Variants in NPAS3 observed in about 807,000 individuals in gnomAD.
NPAS3 encodes the protein neuronal PAS domain protein 3, also known as neuronal PAS domain-containing protein 3.
A neutral mutation model predicts 73.1 loss-of-function variants in NPAS3; 14 were observed. The ratio of observed to expected loss-of-function variants is 0.19; its 90% CI spans 0.13 to 0.30. NPAS3 has a LOEUF of 0.30. Among genes scored for constraint, NPAS3 ranks in the 10% least tolerant of loss-of-function variants. The pLI, the probability that NPAS3 is intolerant of heterozygous loss-of-function variation, is 1.00. For missense variants in NPAS3, 1,096 were observed against 1,250.0 expected (o/e 0.88, Z 1.86); for synonymous variants, 620 against 541.5 (o/e 1.14, Z -2.01).
Position 32,965,914 on chromosome 14 carries a change from C to G in NPAS3, c.50+26548C>G, listed in dbSNP as rs998778463. ...AAAAATTAGTGGTGGTTCTATAGAC[C>G]AAGTGCAAACTATCTGAAAAAGAAA... On this transcript the variant is annotated intron_variant, in intron 1 of 11. Transcript: ENST00000356141. 3.9e-5 allele frequency among the ~76,000 whole-genome samples: 6 copies of G among 151,902 alleles called. No individual in the cohort carries two copies. The East Asian group carries it at 1.2e-3, about 29-fold the overall frequency.
intron 5 of NPAS3, among the ~76,000 whole-genome samples, chr14:33,621,145 A>G (rs1220639844): frequency 6.6e-6 from 1 of 152,156 alleles, no homozygotes; most frequent in Non-Finnish European, 1.5e-5. Context: ...GATGATAAAG[A>G]CAAAATTGAG....
intron 2 of NPAS3, among the ~76,000 whole-genome samples, chr14:33,117,712 T>C (rs1249115376): frequency 6.6e-6 from 1 of 152,116 alleles, no homozygotes; most frequent in Non-Finnish European, 1.5e-5. Context: ...TGATAGAAAT[T>C]TGTATCTTTT....
chr14:33,723,875 G>A (rs939771707), intron 6 of NPAS3, among the ~76,000 whole-genome samples: 5 of 152,104 alleles, frequency 3.3e-5, no homozygotes, highest in South Asian at 2.1e-4. Flanking sequence ...GGAGGCAAAC[G>A]GATGTCAGAA....
At chr14:33,612,895 TTTAAA>T (rs2057794917) in intron 5 of NPAS3, among the ~76,000 whole-genome samples, 1 of 152,214 alleles carries the variant, frequency 6.6e-6, no homozygotes, top group Non-Finnish European at 1.5e-5. Context: ...TTCTTAACTT[TTTAAA>T]TTGTTTTTCG....
intron 5 of NPAS3, among the ~76,000 whole-genome samples, chr14:33,602,139 G>A (rs2057417383): frequency 1.3e-5 from 2 of 152,196 alleles, no homozygotes; most frequent in Non-Finnish European, 2.9e-5. Context: ...GAGCTCCACA[G>A]AGTGAAAATT....
chr14:33,202,284 T>C (rs1229141370), intron 2 of NPAS3, among the ~76,000 whole-genome samples: 1 of 151,606 alleles, frequency 6.6e-6, no homozygotes. Context: ...ACACCTAGAG[T>C]CCCAGCTGCC....
intron 1 of NPAS3, among the ~76,000 whole-genome samples, chr14:33,008,491 G>T (rs970690555): frequency 6.6e-6 from 1 of 152,152 alleles, no homozygotes; most frequent in African/African-American, 2.4e-5. Flanking sequence ...CTGGTCATAG[G>T]AGTGTTAGTC....
chr14:33,247,746 A>G (rs1032044795), intron 3 of NPAS3, among the ~76,000 whole-genome samples: 1 of 152,242 alleles, frequency 6.6e-6, no homozygotes, highest in African/African-American at 2.4e-5. Flanking sequence ...CATGTCGAAA[A>G]GATAGAATTA....
At chr14:33,010,919 A>G (rs564262994) in intron 1 of NPAS3, among the ~76,000 whole-genome samples, 75 of 147,052 alleles carry the variant, frequency 5.1e-4, no homozygotes, top group African/African-American at 1.9e-3. Context: ...TGGGTGAGTG[A>G]CAGAGCCAGA....
At chr14:33,527,293 T>C (rs1014689194) in intron 4 of NPAS3, among the ~76,000 whole-genome samples, 9 of 152,192 alleles carry the variant, frequency 5.9e-5, no homozygotes, top group African/African-American at 2.2e-4. Flanking sequence ...CTGTACCCTG[T>C]AACCACTTAC....
At chr14:32,979,118 CAT>C (rs2037800311) in intron 1 of NPAS3, among the ~76,000 whole-genome samples, 1 of 152,114 alleles carries the variant, frequency 6.6e-6, no homozygotes, top group Non-Finnish European at 1.5e-5. Context: ...AATTGTATAA[CAT>C]GTTAAAGAGC....
At chr14:33,024,460 G>A (rs555038800) in intron 1 of NPAS3, among the ~76,000 whole-genome samples, 35 of 152,140 alleles carry the variant, frequency 2.3e-4, no homozygotes, top group South Asian at 2.3e-3. Flanking sequence ...GTGAGCCACC[G>A]CGCCTGGCCT....
chr14:33,377,304 G>A (rs2046351783), intron 4 of NPAS3, among the ~76,000 whole-genome samples: 1 of 152,290 alleles, frequency 6.6e-6, no homozygotes, highest in Non-Finnish European at 1.5e-5. Context: ...TTGGACTAAA[G>A]TGTGACATGC....
intron 2 of NPAS3, among the ~76,000 whole-genome samples, chr14:33,164,914 C>A (rs1263926361): frequency 6.6e-6 from 1 of 151,350 alleles, no homozygotes; most frequent in African/African-American, 2.4e-5. Flanking sequence ...ACAATAATTT[C>A]CCTTTTCATG....
intron 4 of NPAS3, among the ~76,000 whole-genome samples, chr14:33,496,033 C>T (rs1206297985): frequency 1.3e-5 from 2 of 152,080 alleles, no homozygotes; most frequent in African/African-American, 4.8e-5. Context: ...CACCACTAAT[C>T]CCACAGAAAT....
intron 7 of NPAS3, among the ~76,000 whole-genome samples, chr14:33,766,812 G>A (rs2062477559): frequency 6.6e-6 from 1 of 152,138 alleles, no homozygotes; most frequent in African/African-American, 2.4e-5. Flanking sequence ...CTTGGCCCTG[G>A]AGGAGGTCTG....
At chr14:33,186,428 A>G (rs1049229942) in intron 2 of NPAS3, among the ~76,000 whole-genome samples, 1 of 152,222 alleles carries the variant, frequency 6.6e-6, no homozygotes, top group Non-Finnish European at 1.5e-5. Context: ...GATACACTCA[A>G]TTATCGTCTC....
At chr14:33,539,090 G>C (rs1309724809) in intron 4 of NPAS3, among the ~76,000 whole-genome samples, 2 of 152,116 alleles carry the variant, frequency 1.3e-5, no homozygotes, top group African/African-American at 4.8e-5. Flanking sequence ...TTGACTCTCA[G>C]GGGGAGAGGT....
chr14:33,714,547 C>T (rs191012534), intron 6 of NPAS3, among the ~76,000 whole-genome samples: 3 of 152,198 alleles, frequency 2.0e-5, no homozygotes, highest in African/African-American at 7.2e-5. Context: ...AGATAAATGC[C>T]TGGGGGAAAA....
Sources: gnomAD v4.1 joint callset for allele counts (sites outside exome capture counted in the v4.1 genomes callset) on GRCh38, gnomAD v4.1.1 for gene constraint, MANE v1.5 for transcripts, NCBI Gene and HGNC (gene_info 2026-07-23, HGNC 2026-07-21) for gene names.